Variants in TBC1D16 observed in about 807,000 individuals in gnomAD.
TBC1D16 encodes TBC1 domain family member 16, also known as CTD-2529O21.1.
Under a neutral mutation model 74.7 loss-of-function variants are expected in TBC1D16, and 58 were observed. The ratio of observed to expected loss-of-function variants is 0.78; its 90% CI spans 0.63 to 0.97. The LOEUF is 0.97. Ranked by LOEUF, TBC1D16 falls within the 50% of genes least tolerant of loss-of-function variation. TBC1D16 has a pLI of 0.00. For synonymous variants in TBC1D16, 493 were observed against 474.7 expected, an observed-to-expected ratio of 1.04 and a Z score of -0.50; for missense variants, 1,014 against 1,079.5, an observed-to-expected ratio of 0.94 and a Z score of 0.85.
rs1025148051 is a variant in TBC1D16 at position 80,035,523 on chromosome 17, C to A, written c.-63+272G>T. On this transcript the variant is annotated intron_variant, in intron 1 of 11. Coordinates refer to ENST00000310924, the MANE Select transcript of TBC1D16 (RefSeq NM_019020.4). This position sits in a 1 kb window ranked among gnomAD's most constrained non-coding sequence, Gnocchi z 5.3. ...CAGTCTCCCCGAATTAGGCCCATTC[C>A]GGGCCCGGGCGCCCTCACTCGCCGC... Among the ~76,000 whole-genome samples the A allele has an allele frequency of 6.6e-6, 1 of 152,052 alleles. No individual in the cohort carries two copies. Among genetic ancestry groups the A allele is most frequent in the African/African-American group, 2.4e-5 (1 of 41,454 alleles).
chr17:79,949,356 A>C (rs2032839328), intron 7 of TBC1D16, among the ~76,000 whole-genome samples: 1 of 152,234 alleles, frequency 6.6e-6, no homozygotes, highest in South Asian at 2.1e-4. Context: ...AGCTGAGCCC[A>C]GTCCCGGGTT....
intron 8 of TBC1D16, among the ~76,000 whole-genome samples, 167 bp from the exon 9 acceptor site, chr17:79,947,998 C>G (rs2032702720): frequency 1.3e-5 from 2 of 152,226 alleles, no homozygotes; most frequent in African/African-American, 2.4e-5. Flanking sequence ...TCCAGACACA[C>G]AGACCCTTGC....
chr17:79,944,883 C>CA lies in TBC1D16; in HGVS notation c.1908+24dup. ...TCAGGGGCCATGGTCCCAACCTCCCCAGCCCTGGCCCCTGCCCTGGTCACC... is the reference window on the plus strand; with the variant it reads ...TCAGGGGCCATGGTCCCAACCTCCCCAAGCCCTGGCCCCTGCCCTGGTCACC... On this transcript the variant is annotated intron_variant, in intron 10 of 11. Transcript: ENST00000310924. This position sits in a 1 kb window ranked among gnomAD's most constrained non-coding sequence, Gnocchi z 7.7. The CA allele has an allele frequency of 1.3e-6, 2 of 1,539,504 alleles. No homozygotes were observed. The highest frequency in any genetic ancestry group is 1.8e-6 in the Non-Finnish European group (2 of 1,142,056).
intron 1 of TBC1D16, among the ~76,000 whole-genome samples, chr17:80,019,080 C>T (rs1440423241): frequency 1.3e-5 from 2 of 150,238 alleles, no homozygotes; most frequent in Admixed American, 1.3e-4. Context: ...TCAGTGTGAT[C>T]GCTCCAGTTG....
chr17:80,015,781 T>C (rs8081007), intron 1 of TBC1D16, among the ~76,000 whole-genome samples: 67,754 of 151,766 alleles, frequency 0.45, 15,396 homozygotes, highest in Middle Eastern at 0.5. Context: ...GAGGCCGAGA[T>C]GGGCGGATCA....
At chr17:79,976,226 TG>T (rs2034324537) in intron 3 of TBC1D16, among the ~76,000 whole-genome samples, 1 of 152,224 alleles carries the variant, frequency 6.6e-6, no homozygotes. Flanking sequence ...ATGCCGAGAC[TG>T]AGGCTCAGAG....
intron 3 of TBC1D16, among the ~76,000 whole-genome samples, chr17:79,963,734 C>T (rs537851857): frequency 2.0e-5 from 3 of 152,296 alleles, no homozygotes; most frequent in Admixed American, 1.3e-4. Context: ...ACATCCTCAC[C>T]GACACTTGTT....
intron 3 of TBC1D16, among the ~76,000 whole-genome samples, chr17:79,991,347 G>A (rs1045296887): frequency 1.3e-5 from 2 of 152,160 alleles, no homozygotes; most frequent in African/African-American, 2.4e-5. Context: ...TGTAGTCTCA[G>A]GGGAGGCTGA....
chr17:79,986,827 G>T lies in TBC1D16; in HGVS notation c.779+23333C>A, dbSNP rs991835401. On this transcript the variant is annotated intron_variant, in intron 3 of 11. Transcript: ENST00000310924. The surrounding 1 kb of genome is among the most constrained non-coding windows in gnomAD (Gnocchi z 6.0). ...CCGATCAGGTCCACGGGAAGATGGGGGTGAACGAGAAGCCTGAGGCCGGGC... is the reference window on the plus strand; with the variant it reads ...CCGATCAGGTCCACGGGAAGATGGGTGTGAACGAGAAGCCTGAGGCCGGGC... Among the ~76,000 whole-genome samples, 2 of 152,236 alleles carry T rather than the reference G, an allele frequency of 1.3e-5. No homozygotes were observed. The highest frequency in any genetic ancestry group is 2.4e-5 in the African/African-American group (1 of 41,470).
chr17:80,009,666 G>A lies in TBC1D16; in HGVS notation c.779+494C>T, dbSNP rs2035803285. ...AGCCTCCGGGGACCACAGGGGGCCA[G>A]GTCACGTGCCCAGTGGGCTGCAGGG... On this transcript the variant is annotated intron_variant, in intron 3 of 11. Transcript: ENST00000310924. This position sits in a 1 kb window ranked among gnomAD's most constrained non-coding sequence, Gnocchi z 5.4. 6.6e-6 allele frequency among the ~76,000 whole-genome samples: 1 copy of A among 152,262 alleles called. No individual in the cohort carries two copies. Among genetic ancestry groups the A allele is most frequent in the South Asian group, 2.1e-4 (1 of 4,836 alleles).
At chr17:79,962,104 A>G (rs1341242770) in intron 3 of TBC1D16, among the ~76,000 whole-genome samples, 1 of 152,018 alleles carries the variant, frequency 6.6e-6, no homozygotes, top group East Asian at 1.9e-4. Context: ...AAGGCAAACA[A>G]ATCTAGAGTG....
Position 80,010,139 on chromosome 17 carries a change from C to T in TBC1D16, c.779+21G>A, listed in dbSNP as rs372080904. The T allele has an allele frequency of 5.2e-5, 82 of 1,587,438 alleles. No individual in the cohort carries two copies. Among genetic ancestry groups the T allele is most frequent in the Non-Finnish European group, 5.8e-5 (68 of 1,165,276 alleles). On this transcript the variant is annotated intron_variant, in intron 3 of 11. Coordinates refer to ENST00000310924, the MANE Select transcript of TBC1D16 (RefSeq NM_019020.4). The surrounding 1 kb of genome is among the most constrained non-coding windows in gnomAD (Gnocchi z 8.8). ...GCCTTGGGGGCCTCCCGAGAGCCCA[C>T]GCCCAGAACCAGGAACTCACCTGCT...
At chr17:79,963,962 T>C (rs1442182358) in intron 3 of TBC1D16, among the ~76,000 whole-genome samples, 1 of 150,938 alleles carries the variant, frequency 6.6e-6, no homozygotes, top group Non-Finnish European at 1.5e-5. Context: ...GTTGTTTGGT[T>C]GTTTTTTGTG....
rs1011514883 is a variant in TBC1D16, at chr17:79,994,893, G to A, written c.779+15267C>T. ...GAGAGAATGTAAAACACTTCCCATC[G>A]GCGGCCGTGTATACTGATCCCACAT... On this transcript the variant is annotated intron_variant, in intron 3 of 11. Transcript: ENST00000310924. The surrounding 1 kb of genome is among the most constrained non-coding windows in gnomAD (Gnocchi z 4.6). 1.3e-5 allele frequency among the ~76,000 whole-genome samples: 2 copies of A among 152,172 alleles called. No individual in the cohort carries two copies. Among genetic ancestry groups the A allele is most frequent in the African/African-American group, 2.4e-5 (1 of 41,442 alleles).
chr17:79,952,263 A>C (rs957020290), intron 4 of TBC1D16: 20 of 174,424 alleles, frequency 1.1e-4, no homozygotes, highest in Admixed American at 7.8e-4. Flanking sequence ...CCATCACGAA[A>C]GGAAGGGAGC....
At chr17:79,948,711 G>A (rs933313112) in intron 8 of TBC1D16, among the ~76,000 whole-genome samples, 161 bp downstream of exon 8, 2 of 152,150 alleles carry the variant, frequency 1.3e-5, no homozygotes, top group South Asian at 2.1e-4. Flanking sequence ...GCCAACTGAC[G>A]TAGCTCATGA....
chr17:80,015,473 A>G (rs1281375633), intron 1 of TBC1D16, among the ~76,000 whole-genome samples: 14 of 152,108 alleles, frequency 9.2e-5, no homozygotes, highest in Non-Finnish European at 2.1e-4. Flanking sequence ...AGACAGGCAC[A>G]GAGCCACGCT....
intron 3 of TBC1D16, among the ~76,000 whole-genome samples, chr17:80,006,226 T>TCTCTCTCTCTCTC (rs2035674610): frequency 6.7e-6 from 1 of 148,834 alleles, no homozygotes; most frequent in African/African-American, 2.5e-5. Context: ...CTCTCTTTCT[T>TCTCTCTCTCTCTC]TCTCTCTCTC....
intron 3 of TBC1D16, among the ~76,000 whole-genome samples, chr17:79,998,766 G>T (rs191436148): frequency 6.6e-6 from 1 of 152,044 alleles, no homozygotes; most frequent in Admixed American, 6.6e-5. Context: ...GCCACCGTTC[G>T]CACATCCACC....
Sources: gnomAD v4.1 joint callset for allele counts (sites outside exome capture counted in the v4.1 genomes callset) on GRCh38, gnomAD v4.1.1 for gene constraint, Gnocchi (gnomAD v3.1) non-coding constraint, MANE v1.5 for transcripts, NCBI Gene and HGNC (gene_info 2026-07-23, HGNC 2026-07-21) for gene names.